The following PRKDC variants were observed in gnomAD, a reference collection of about 807,000 sequenced individuals.
The protein encoded by PRKDC is protein kinase, DNA-activated, catalytic subunit.
Under a neutral mutation model 486.9 loss-of-function variants are expected in PRKDC, and 82 were observed. That is an observed-to-expected ratio of 0.17 (90% CI 0.14 to 0.20). The LOEUF is 0.20. Ranked by LOEUF, PRKDC falls within the 10% of genes least tolerant of loss-of-function variation. The pLI, the probability that PRKDC is intolerant of heterozygous loss-of-function variation, is 1.00. For synonymous variants in PRKDC, 1,895 were observed against 1,837.0 expected, an observed-to-expected ratio of 1.03 and a Z score of -0.81; for missense variants, 4,504 against 5,038.2, an observed-to-expected ratio of 0.89 and a Z score of 3.21.
chr8:47,835,722 G>A (rs993669568), intron 58 of PRKDC, among the ~76,000 whole-genome samples: 6 of 147,340 alleles, frequency 4.1e-5, no homozygotes, highest in African/African-American at 1.3e-4. Context: ...GGACATTTAC[G>A]CTGCTGTACA....
In PRKDC at chr8:47,784,159, G is replaced by A. The variant is rs545033204; in HGVS notation, c.11108-350C>T. On this transcript the variant is annotated intron_variant, in intron 77 of 85. Transcript: ENST00000314191. ...TATAGTCCCAGCTACTCGGGAGGCT[G>A]AGGCAGGAGAATGGCGTGAACTCGG... 3.8e-4 allele frequency: 73 copies of A among 191,384 alleles called. 1 individual carries two copies. Among genetic ancestry groups the A allele is most frequent in the East Asian group, 2.3e-3 (17 of 7,298 alleles). 11.9% of individuals were successfully genotyped at this position (191,384 alleles called of 1,614,324 possible).
At chr8:47,907,256 G>C (rs2089801928) in intron 25 of PRKDC, among the ~76,000 whole-genome samples, 1 of 150,008 alleles carries the variant, frequency 6.7e-6, no homozygotes, top group South Asian at 2.1e-4. Context: ...TAGCCAGGAT[G>C]GTCTTGATCT....
chr8:47,837,393 T>C lies in PRKDC; in HGVS notation c.7580A>G (p.His2527Arg), dbSNP rs2088051330. The C allele has an allele frequency of 5.6e-6, 9 of 1,611,008 alleles. No homozygotes were observed. Among genetic ancestry groups the C allele is most frequent in the Non-Finnish European group, 7.6e-6 (9 of 1,177,298 alleles). ...GGTATTTGAAGGTAACCTAGTTTCATGGCTCCAGAAATTTCGAATAATTAA... is the reference window on the plus strand; with the variant it reads ...GGTATTTGAAGGTAACCTAGTTTCACGGCTCCAGAAATTTCGAATAATTAA... The part of the protein sequence containing the change: ...LQLIIRNFWS[H>R]ETRLPSNTLD... Residue 2527 changes from histidine to arginine, a missense_variant, in exon 57 of 86, where the codon CAT (histidine) becomes CGT (arginine). His to Arg is a conservative substitution (Grantham distance 29). This residue lies in a region of PRKDC where 1,592 missense variants were observed against 1,724.6 expected (regional missense o/e 0.92). Coordinates refer to ENST00000314191, the MANE Select transcript of PRKDC (RefSeq NM_006904.7).
chr8:47,807,733 T>G (rs907164113), intron 68 of PRKDC, among the ~76,000 whole-genome samples: 1 of 151,870 alleles, frequency 6.6e-6, no homozygotes, highest in Non-Finnish European at 1.5e-5. Flanking sequence ...ATTTTTTTTT[T>G]GAGATGGAGT....
Position 47,779,010 on chromosome 8 carries a change from A to G in PRKDC, c.11573T>C (p.Met3858Thr). ...AAATCAAAACCAAACTTACTTATAC[A>G]TTAGCATGTAAGCTCCAACATCATG... ...GKHDVGAYMLMYKGANRTETV... is the reference protein window; with the variant it reads ...GKHDVGAYMLTYKGANRTETV... The change falls in exon 81 of 86, where the codon ATG becomes ACG. Residue 3858 changes from methionine to threonine, a missense_variant. Transcript: ENST00000314191. The G allele has an allele frequency of 6.3e-7, 1 of 1,589,410 alleles. No homozygotes were observed. Among genetic ancestry groups the G allele is most frequent in the Non-Finnish European group, 8.6e-7 (1 of 1,168,346 alleles).
At chr8:47,808,292 C>G (rs1290677686) in intron 68 of PRKDC, among the ~76,000 whole-genome samples, 1 of 152,020 alleles carries the variant, frequency 6.6e-6, no homozygotes, top group African/African-American at 2.4e-5. Context: ...GTTACAGGTG[C>G]GTGCTACCGC....
At chr8:47,948,330 G>C (rs1216658670) in intron 7 of PRKDC, among the ~76,000 whole-genome samples, 1 of 151,420 alleles carries the variant, frequency 6.6e-6, no homozygotes, top group Non-Finnish European at 1.5e-5. Flanking sequence ...GGATGGTCTC[G>C]ATCTCTTGAC....
intron 26 of PRKDC, among the ~76,000 whole-genome samples, chr8:47,904,280 A>G (rs2154502425): frequency 6.6e-6 from 1 of 152,242 alleles, no homozygotes; most frequent in East Asian, 1.9e-4. Flanking sequence ...TTTGAGACAG[A>G]GTCTCACTCT....
chr8:47,818,502 C>A (rs1188594463), intron 67 of PRKDC, among the ~76,000 whole-genome samples: 3 of 150,018 alleles, frequency 2.0e-5, no homozygotes, highest in Non-Finnish European at 4.4e-5. Context: ...TGGCATGAAC[C>A]CGGGAGGCAG....
chr8:47,876,402 C>T (rs190785741), intron 40 of PRKDC, among the ~76,000 whole-genome samples: 53 of 152,304 alleles, frequency 3.5e-4, no homozygotes, highest in Non-Finnish European at 6.2e-4. Flanking sequence ...TGGCTCACAT[C>T]TGTAATCCCA....
chr8:47,904,898 C>G lies in PRKDC; in HGVS notation c.3013G>C (p.Asp1005His). The G allele has an allele frequency of 6.2e-7, 1 of 1,612,662 alleles. No homozygotes were observed. The highest frequency in any genetic ancestry group is 8.5e-7 in the Non-Finnish European group (1 of 1,178,866). ...ATAGCTTCTAGTAAGGCAACAGTAT[C>G]CTGACTTTCAAATTTCTTGTTGTTA... is the stretch of plus-strand genomic sequence containing the variant. ...FTNNKKFESQ[D>H]TVALLEAILD... Residue 1005 changes from aspartate (D) to histidine (H), a missense_variant, in exon 26 of 86, where the codon GAT becomes CAT. Asp to His is a moderately conservative substitution (Grantham distance 81, BLOSUM62 -1). This residue lies in a region of PRKDC where 1,969 missense variants were observed against 2,068.9 expected (regional missense o/e 0.95). Coordinates refer to ENST00000314191, the MANE Select transcript of PRKDC (RefSeq NM_006904.7).
intron 40 of PRKDC, among the ~76,000 whole-genome samples, chr8:47,873,372 A>G (rs1244167490): frequency 2.0e-5 from 3 of 152,038 alleles, no homozygotes; most frequent in Admixed American, 1.3e-4. Context: ...ACCCATCTCT[A>G]CTAAACATAC....
Position 47,782,505 on chromosome 8 carries a change from C to A in PRKDC, c.11269G>T (p.Asp3757Tyr). 1 of 1,577,720 alleles carries A rather than the reference C, an allele frequency of 6.3e-7. No individual in the cohort carries two copies. The highest frequency in any genetic ancestry group is 2.3e-5 in the East Asian group (1 of 42,936). ...EHPFLVKGGE[D>Y]LRQDQRVEQL... is the part of the protein sequence containing the mutation. ...TCCACGCGCTGGTCCTGCCGCAGGTCCTCGCCACCCTTCACCAGGAAAGGG... is the reference window on the plus strand; with the variant it reads ...TCCACGCGCTGGTCCTGCCGCAGGTACTCGCCACCCTTCACCAGGAAAGGG... The change falls in exon 79 of 86, where the codon GAC (aspartate) becomes TAC (tyrosine). Residue 3757 changes from aspartate to tyrosine, a missense_variant. Coordinates refer to ENST00000314191, the MANE Select transcript of PRKDC (RefSeq NM_006904.7). The surrounding 1 kb of genome is among the most constrained non-coding windows in gnomAD (Gnocchi z 4.9).
In PRKDC at chr8:47,853,394, G is replaced by A. The variant is rs8178165; in HGVS notation, c.6894-610C>T. ...TCCGACGGTGCTGGGGGGCCAACAC[G>A]GAGGACCAAACAGAGAGAGTGATTG... On this transcript the variant is annotated intron_variant, in intron 51 of 85. Transcript: ENST00000314191. 6.2e-3 allele frequency among the ~76,000 whole-genome samples: 940 copies of A among 152,316 alleles called. 12 individuals are homozygous for A. Among genetic ancestry groups the A allele is most frequent in the African/African-American group, 0.022 (909 of 41,566 alleles).
intron 73 of PRKDC, among the ~76,000 whole-genome samples, chr8:47,795,159 T>C (rs1231817741): frequency 6.6e-6 from 1 of 151,018 alleles, no homozygotes; most frequent in Non-Finnish European, 1.5e-5. Context: ...GTGCTGGGAC[T>C]ATAGGCGTGA....
At chr8:47,897,065 A>G (rs2089594454) in intron 30 of PRKDC, 96 bp downstream of exon 30, 1 of 1,291,892 alleles carries the variant, frequency 7.7e-7, no homozygotes, top group South Asian at 1.7e-5. Context: ...TACCATGTTA[A>G]CTGCAATGAT....
chr8:47,922,497 G>C (rs1375319938), intron 21 of PRKDC, among the ~76,000 whole-genome samples: 1 of 151,626 alleles, frequency 6.6e-6, no homozygotes, highest in Non-Finnish European at 1.5e-5. Context: ...GTAAAGATAA[G>C]GTCTCCTTAT....
Position 47,849,471 on chromosome 8 carries a change from C to A in PRKDC, c.7038G>T (p.Ala2346=). ...ILEESLCELV[A]KQLKQHQNTM... ...TATTCTGATGTTGCTTCAATTGTTT[C>A]GCAACCAGTTCACACAGAGACTCCT... Residue 2346 remains alanine, a synonymous_variant, in exon 53 of 86, where the codon GCG becomes GCT. Transcript: ENST00000314191. The A allele has an allele frequency of 6.2e-7, 1 of 1,613,980 alleles. No homozygotes were observed. Among genetic ancestry groups the A allele is most frequent in the Non-Finnish European group, 8.5e-7 (1 of 1,179,870 alleles).
chr8:47,950,361 C>G (rs1205758986), intron 7 of PRKDC, among the ~76,000 whole-genome samples: 1 of 149,330 alleles, frequency 6.7e-6, no homozygotes, highest in Non-Finnish European at 1.5e-5. Context: ...CACAGTGGTT[C>G]ACACCTGTAA....
Sources: gnomAD v4.1 joint callset for allele counts (sites outside exome capture counted in the v4.1 genomes callset) on GRCh38, gnomAD v4.1.1 for gene constraint, gnomAD v4.1.1 regional missense constraint, Gnocchi (gnomAD v3.1) non-coding constraint, MANE v1.5 for transcripts, NCBI Gene and HGNC (gene_info 2026-07-23, HGNC 2026-07-21) for gene names.